MARK4: variants seen among roughly 807,000 people sequenced by gnomAD.
MARK4 encodes MAP/microtubule affinity-regulating kinase 4.
A neutral mutation model predicts 81.5 loss-of-function variants in MARK4; 19 were observed. That is an observed-to-expected ratio of 0.23 (90% CI 0.16 to 0.34). The LOEUF (loss-of-function observed/expected upper bound fraction) is 0.34, where lower values mean the gene tolerates loss of function less well. Ranked by LOEUF, MARK4 falls within the 10% of genes least tolerant of loss-of-function variation. MARK4 has a pLI of 1.00. For missense variants in MARK4, 772 were observed against 1,058.8 expected, an observed-to-expected ratio of 0.73 and a Z score of 3.76; for synonymous variants, 436 against 439.0, an observed-to-expected ratio of 0.99 and a Z score of 0.08.
intron 1 of MARK4, among the ~76,000 whole-genome samples, chr19:45,256,329 C>T (rs528913561): frequency 5.3e-5 from 8 of 152,176 alleles, no homozygotes; most frequent in African/African-American, 9.6e-5. Context: ...CCCAGCTACT[C>T]GGGAAAGCTG....
At chr19:45,269,012 G>A (rs906795871) in intron 7 of MARK4, among the ~76,000 whole-genome samples, 1 of 152,110 alleles carries the variant, frequency 6.6e-6, no homozygotes, top group Non-Finnish European at 1.5e-5. Context: ...GTACACCAGG[G>A]GTACCAACCA....
At chr19:45,258,889 C>A in intron 1 of MARK4, 100 bp from the exon 2 acceptor site, 1 of 1,301,920 alleles carries the variant, frequency 7.7e-7, no homozygotes, top group Non-Finnish European at 1.1e-6. Context: ...TGAAAAGGGC[C>A]ACGGAGGGGC....
chr19:45,274,172 C>G (rs1470816127), intron 8 of MARK4, among the ~76,000 whole-genome samples: 3 of 152,072 alleles, frequency 2.0e-5, no homozygotes, highest in Admixed American at 2.0e-4. Flanking sequence ...TGGCATGAAC[C>G]TGGGAGGTGG....
chr19:45,290,187 C>T (rs1359027959), intron 13 of MARK4, among the ~76,000 whole-genome samples: 1 of 152,268 alleles, frequency 6.6e-6, no homozygotes, highest in African/African-American at 2.4e-5. Flanking sequence ...CTTCTTAGTG[C>T]TCTTGGTGCC....
intron 7 of MARK4, among the ~76,000 whole-genome samples, chr19:45,270,400 A>G (rs1021397581): frequency 2.0e-5 from 3 of 152,154 alleles, no homozygotes; most frequent in Non-Finnish European, 2.9e-5. Context: ...CACAGAGCCC[A>G]GTGCATGGTA....
chr19:45,286,053 G>T (rs1211816173), intron 12 of MARK4, among the ~76,000 whole-genome samples: 6 of 151,896 alleles, frequency 4.0e-5, no homozygotes, highest in Non-Finnish European at 7.4e-5. Context: ...ACGGTTTTTT[G>T]TTGTTGTTTT....
Position 45,299,823 on chromosome 19 carries a change from A to G in MARK4, c.1890A>G (p.Glu630=), listed in dbSNP as rs1328630269. ...TSKLTRRVAD[E]PERIGGPEVT... The stretch of plus-strand genomic sequence containing the variant: ...TCCCCTCCCCTAGGGTCGCAGACGA[A>G]CCTGAGAGAATCGGGGGACCTGAGG... The change falls in exon 16 of 17, where the codon GAA becomes GAG. Residue 630 remains glutamate, a synonymous_variant. Coordinates refer to ENST00000262891, the MANE Select transcript of MARK4 (RefSeq NM_001199867.2). The G allele has an allele frequency of 6.2e-7, 1 of 1,605,238 alleles. No individual in the cohort carries two copies. The highest frequency in any genetic ancestry group is 2.3e-5 in the East Asian group (1 of 44,360).
chr19:45,281,494 G>A (rs963914804), intron 12 of MARK4, among the ~76,000 whole-genome samples: 6 of 151,416 alleles, frequency 4.0e-5, no homozygotes, highest in Middle Eastern at 3.4e-3. Context: ...CTGAGTAGCC[G>A]GGATTACAGG....
chr19:45,275,982 C>T (rs1970592576), intron 8 of MARK4, among the ~76,000 whole-genome samples: 1 of 152,132 alleles, frequency 6.6e-6, no homozygotes, highest in Admixed American at 6.6e-5. Context: ...TGTTCACCCC[C>T]AACGCTCAAT....
chr19:45,290,574 A>T (rs34865636), intron 13 of MARK4, among the ~76,000 whole-genome samples: 32,306 of 152,190 alleles, frequency 0.21, 4,058 homozygotes, highest in Non-Finnish European at 0.3. Context: ...TGGCCGTGAC[A>T]ACCCTTGGCC....
chr19:45,294,254 T>G lies in MARK4; in HGVS notation c.1495-95T>G, dbSNP rs567765732. On this transcript the variant is annotated intron_variant, in intron 13 of 16. Transcript: ENST00000262891. Reference sequence around the variant, plus strand: ...CTGGGTTCCCACATGAGCCCCTGACTTATTCATCGATGGGGAGGGCAGAGA... The same window carrying G: ...CTGGGTTCCCACATGAGCCCCTGACGTATTCATCGATGGGGAGGGCAGAGA... 8 of 1,175,272 alleles carry G rather than the reference T, an allele frequency of 6.8e-6. No individual in the cohort carries two copies. The Admixed American group carries it at 1.5e-4, about 23-fold the overall frequency. 72.8% of individuals were successfully genotyped at this position (1,175,272 alleles called of 1,614,324 possible). A position where few individuals can be genotyped will look rare whatever the true frequency, so the allele number is the denominator to read the frequency against.
intron 12 of MARK4, among the ~76,000 whole-genome samples, chr19:45,282,982 AC>A (rs1284659954): frequency 6.6e-6 from 1 of 151,952 alleles, no homozygotes; most frequent in Non-Finnish European, 1.5e-5. Context: ...ACAGAGCGAG[AC>A]CTCATCTCAA....
At chr19:45,285,662 G>A (rs1318883872) in intron 12 of MARK4, among the ~76,000 whole-genome samples, 1 of 148,426 alleles carries the variant, frequency 6.7e-6, no homozygotes, top group African/African-American at 2.6e-5. Context: ...TTAGAACGTG[G>A]TAACCTTCAG....
intron 1 of MARK4, among the ~76,000 whole-genome samples, chr19:45,253,587 C>T (rs1254274766): frequency 1.3e-5 from 2 of 152,148 alleles, no homozygotes; most frequent in Non-Finnish European, 2.9e-5. Flanking sequence ...TCAGACAGCC[C>T]GTGGATTCTC....
intron 15 of MARK4, among the ~76,000 whole-genome samples, chr19:45,298,714 A>G (rs1481835889): frequency 3.9e-5 from 6 of 152,150 alleles, no homozygotes; most frequent in Non-Finnish European, 8.8e-5. Flanking sequence ...TCTAGACAAA[A>G]AACAAAGAAA....
chr19:45,266,167 T>C, intron 6 of MARK4, 58 bp from the exon 7 acceptor site: 2 of 1,572,018 alleles, frequency 1.3e-6, no homozygotes, highest in Admixed American at 3.3e-5. Context: ...CACAGTCCAC[T>C]GAGGGAGGCT....
Position 45,278,408 on chromosome 19 carries a change from G to A in MARK4, c.907-108G>A, listed in dbSNP as rs1054686339. 2.7e-5 allele frequency: 27 copies of A among 984,354 alleles called. No individual in the cohort carries two copies. In the Admixed American group the frequency reaches 4.4e-4, roughly 16 times the overall value. The allele number at this position is 984,354 out of a possible 1,614,324, so 61.0% of individuals were successfully genotyped here. A position where few individuals can be genotyped will look rare whatever the true frequency, so the allele number is the denominator to read the frequency against. On this transcript the variant is annotated intron_variant, in intron 9 of 16. Coordinates refer to ENST00000262891, the MANE Select transcript of MARK4 (RefSeq NM_001199867.2). ...GGAGGCGCTATCTCTTAGGAAGCCC[G>A]CAATTCTGGGTGTTAGGCCTCGGAG...
rs1171117247 is a variant in MARK4 at position 45,287,595 on chromosome 19, G to A, written c.1425G>A (p.Met475Ile). Residue 475 changes from methionine to isoleucine, a missense_variant, in exon 13 of 17, where the codon ATG (methionine) becomes ATA (isoleucine). Physicochemically the swap from Met to Ile is conservative, Grantham distance 10. Around this residue, in one of 3 missense-constraint regions of MARK4, gnomAD observed 548 missense variants for 624.3 expected, o/e 0.88. Transcript: ENST00000262891. The stretch of plus-strand genomic sequence containing the variant: ...GAGGGCTGCCCCCCTCCAGCCCCAT[G>A]GTCAGCAGCGCCCACAACCCCAACA... ...GSRGLPPSSP[M>I]VSSAHNPNKA... is the part of the protein sequence containing the mutation. 6.3e-7 allele frequency: 1 copy of A among 1,598,806 alleles called. No homozygotes were observed. The highest frequency in any genetic ancestry group is 8.5e-7 in the Non-Finnish European group (1 of 1,169,704).
chr19:45,269,500 G>A (rs1970497997), intron 7 of MARK4, among the ~76,000 whole-genome samples: 1 of 152,178 alleles, frequency 6.6e-6, no homozygotes, highest in South Asian at 2.1e-4. Context: ...CAGGAGCTGG[G>A]GAAGAGTGGT....
Sources: allele counts gnomAD v4.1 joint callset (sites outside exome capture counted in the v4.1 genomes callset), GRCh38; gene constraint gnomAD v4.1.1; regional missense constraint gnomAD v4.1.1; transcripts MANE v1.5; gene names NCBI Gene and HGNC (gene_info 2026-07-23, HGNC 2026-07-21).